GPR158: variants seen among roughly 807,000 people sequenced by gnomAD.
GPR158 encodes the protein G protein-coupled receptor 158.
In GPR158, 30 loss-of-function variants were observed where a neutral mutation model predicts 78.2. The ratio of observed to expected loss-of-function variants is 0.38; its 90% CI spans 0.29 to 0.52. The LOEUF is 0.52. Ranked by LOEUF, GPR158 falls within the 20% of genes least tolerant of loss-of-function variation. The pLI is 0.83. For synonymous variants in GPR158, 581 were observed against 591.1 expected, an observed-to-expected ratio of 0.98 and a Z score of 0.25; for missense variants, 1,463 against 1,523.5, an observed-to-expected ratio of 0.96 and a Z score of 0.66.
intron 1 of GPR158, among the ~76,000 whole-genome samples, chr10:25,211,152 A>C (rs1853123935): frequency 6.6e-6 from 1 of 151,888 alleles, no homozygotes; most frequent in Admixed American, 6.6e-5. Context: ...AAAAAAAAAA[A>C]ACAGAATTTT....
intron 7 of GPR158, among the ~76,000 whole-genome samples, chr10:25,585,513 G>A (rs1400934535): frequency 6.6e-6 from 1 of 152,242 alleles, no homozygotes; most frequent in African/African-American, 2.4e-5. Context: ...AAAGATACTA[G>A]AGGGAAGAAA....
Position 25,598,791 on chromosome 10 carries a change from T to C in GPR158, c.3165T>C (p.Ala1055=). 6.2e-7 allele frequency: 1 copy of C among 1,614,108 alleles called. No homozygotes were observed. The highest frequency in any genetic ancestry group is 8.5e-7 in the Non-Finnish European group (1 of 1,180,006). Reference sequence around the variant, plus strand: ...AATCTCACCACAAGCCTAAGGCAGCTGAGGTTTGTCAGCAATCCAATCAGA... The same window carrying C: ...AATCTCACCACAAGCCTAAGGCAGCCGAGGTTTGTCAGCAATCCAATCAGA... ...KEKSHHKPKA[A]EVCQQSNQKR... Residue 1055 remains alanine, a synonymous_variant, in exon 11 of 11, where the codon GCT becomes GCC. Transcript: ENST00000376351.
Position 25,599,182 on chromosome 10 carries a change from A to T in GPR158, c.3556A>T (p.Arg1186Ter). Residue 1186 changes from arginine (R) to a stop codon, truncating the protein, a stop_gained, in exon 11 of 11, where the codon AGA becomes TGA. Coordinates refer to ENST00000376351, the MANE Select transcript of GPR158 (RefSeq NM_020752.3). LOFTEE classifies it high-confidence loss of function. ...FETPAQPNAG[R>*]SVALPASSAL... ...GACCCCAGCTCAACCAAATGCTGGA[A>T]GAAGTGTAGCTTTACCTGCCTCTTC... is the stretch of plus-strand genomic sequence containing the variant. The T allele has an allele frequency of 6.2e-7, 1 of 1,611,592 alleles. No individual in the cohort carries two copies. Among genetic ancestry groups the T allele is most frequent in the Non-Finnish European group, 8.5e-7 (1 of 1,179,850 alleles).
At chr10:25,215,544 C>T (rs563439825) in intron 1 of GPR158, among the ~76,000 whole-genome samples, 30 of 152,092 alleles carry the variant, frequency 2.0e-4, no homozygotes, top group East Asian at 1.7e-3. Flanking sequence ...AATTAAAAAG[C>T]GAAAACATGG....
chr10:25,346,998 A>G lies in GPR158; in HGVS notation c.1009-48913A>G, dbSNP rs143172633. Among the ~76,000 whole-genome samples, 89 of 152,070 alleles carry G rather than the reference A, an allele frequency of 5.9e-4. 2 individuals carry two copies. Among genetic ancestry groups the G allele is most frequent in the African/African-American group, 2.0e-3 (85 of 41,548 alleles). ...GTACTAGTGGCCTCATCTTTAAAAT[A>G]GTAATTTTTATAATTTCCGCCTCAT... On this transcript the variant is annotated intron_variant, in intron 2 of 10. Transcript: ENST00000376351.
chr10:25,469,344 AT>A (rs1835463289), intron 5 of GPR158, among the ~76,000 whole-genome samples: 1 of 151,990 alleles, frequency 6.6e-6, no homozygotes. Context: ...TCCCTATCAT[AT>A]TTTCAACAGA....
chr10:25,493,696 G>C (rs1380281513), intron 5 of GPR158, among the ~76,000 whole-genome samples: 1 of 152,166 alleles, frequency 6.6e-6, no homozygotes, highest in Non-Finnish European at 1.5e-5. Context: ...TAGTATCTGT[G>C]TTGAGAAATT....
chr10:25,396,042 T>TG, intron 3 of GPR158, 29 bp downstream of exon 3: 3 of 938,690 alleles, frequency 3.2e-6, no homozygotes, highest in Non-Finnish European at 5.3e-6. Context: ...TATGTATATA[T>TG]ATGTATATAC....
chr10:25,365,190 G>A (rs918925479), intron 2 of GPR158, among the ~76,000 whole-genome samples: 2 of 151,168 alleles, frequency 1.3e-5, no homozygotes, highest in Non-Finnish European at 3.0e-5. Context: ...TTTCATGTTT[G>A]CAGATGAAAA....
intron 4 of GPR158, among the ~76,000 whole-genome samples, chr10:25,424,441 G>C (rs1218200877): frequency 2.0e-5 from 3 of 151,728 alleles, no homozygotes; most frequent in Non-Finnish European, 4.4e-5. Context: ...TGGTGTTTTA[G>C]ACATGAAGTC....
intron 2 of GPR158, among the ~76,000 whole-genome samples, chr10:25,306,142 C>G (rs1854673897): frequency 6.6e-6 from 1 of 152,134 alleles, no homozygotes; most frequent in Admixed American, 6.6e-5. Context: ...AATCTGTTAT[C>G]TCTCTACCAT....
chr10:25,569,874 T>A (rs1215856173), intron 6 of GPR158, among the ~76,000 whole-genome samples: 1 of 152,214 alleles, frequency 6.6e-6, no homozygotes, highest in Non-Finnish European at 1.5e-5. Flanking sequence ...AAAAATTATA[T>A]CTTATACCTT....
In GPR158 at chr10:25,279,793, T is replaced by C. The variant is rs143945546; in HGVS notation, c.1008+58636T>C. Among the ~76,000 whole-genome samples the C allele has an allele frequency of 8.2e-3, 1,248 of 152,222 alleles. 8 individuals carry two copies. The highest frequency in any genetic ancestry group is 0.013 in the Non-Finnish European group (883 of 67,984). ...CTCAGGGGAATTGGGTTTTCTTACA[T>C]ACAACTGAGTTTTTGCTTACACAGT... On this transcript the variant is annotated intron_variant, in intron 2 of 10. Transcript: ENST00000376351.
At chr10:25,542,800 G>T (rs1836604554) in intron 5 of GPR158, among the ~76,000 whole-genome samples, 1 of 122,356 alleles carries the variant, frequency 8.2e-6, no homozygotes, top group Admixed American at 9.4e-5. Flanking sequence ...CTCCAGCCTG[G>T]CAACAAGAGT....
chr10:25,390,391 AT>A (rs1181505654), intron 2 of GPR158, among the ~76,000 whole-genome samples: 1 of 152,230 alleles, frequency 6.6e-6, no homozygotes, highest in Non-Finnish European at 1.5e-5. Context: ...TGATAGTGAT[AT>A]AGATGATGAA....
At chr10:25,424,837 T>C (rs1470861767) in intron 4 of GPR158, among the ~76,000 whole-genome samples, 10 of 152,366 alleles carry the variant, frequency 6.6e-5, no homozygotes. Flanking sequence ...AGCTTTGTTC[T>C]TTTTGCTTAG....
chr10:25,306,983 T>TCACA lies in GPR158; in HGVS notation c.1008+85839_1008+85842dup, dbSNP rs142323718. Among the ~76,000 whole-genome samples the TCACA allele has an allele frequency of 5.5e-4, 77 of 140,330 alleles. 1 individual carries two copies. Among genetic ancestry groups the TCACA allele is most frequent in the African/African-American group, 1.5e-3 (57 of 39,280 alleles). The allele number at this position is 140,330 out of a possible 152,430, so 92.1% of individuals were successfully genotyped here. A position where few individuals can be genotyped will look rare whatever the true frequency, so the allele number is the denominator to read the frequency against. On this transcript the variant is annotated intron_variant, in intron 2 of 10. Transcript: ENST00000376351. ...TTAGGGAAAGGGTTGGGGGAGAGAG[T>TCACA]CACACACACACACACATACGCACAC... is the stretch of plus-strand genomic sequence containing the variant.
intron 5 of GPR158, among the ~76,000 whole-genome samples, chr10:25,513,640 T>G (rs1836118388): frequency 6.6e-6 from 1 of 152,152 alleles, no homozygotes; most frequent in Non-Finnish European, 1.5e-5. Flanking sequence ...TTCAGACTTT[T>G]GATGTAGGCA....
At chr10:25,372,320 A>G (rs1360216836) in intron 2 of GPR158, among the ~76,000 whole-genome samples, 13 of 151,862 alleles carry the variant, frequency 8.6e-5, no homozygotes, top group Admixed American at 8.5e-4. Flanking sequence ...GGGATCTAGA[A>G]CTAGAAATAC....
Sources: gnomAD v4.1 joint callset for allele counts (sites outside exome capture counted in the v4.1 genomes callset) on GRCh38, gnomAD v4.1.1 for gene constraint, MANE v1.5 for transcripts, NCBI Gene and HGNC (gene_info 2026-07-23, HGNC 2026-07-21) for gene names.